KBTBD11: variants seen among roughly 807,000 people sequenced by gnomAD.
KBTBD11 encodes the protein kelch repeat and BTB domain containing 11, also known as kelch repeat and BTB domain-containing protein 11.
For synonymous variants in KBTBD11, 747 were observed against 499.0 expected (o/e 1.50, Z -6.63); for missense variants, 1,390 against 1,001.8 (o/e 1.39, Z -5.23).
intron 1 of KBTBD11, among the ~76,000 whole-genome samples, chr8:1,995,145 T>C (rs1197021112): frequency 6.6e-6 from 1 of 151,650 alleles, no homozygotes; most frequent in African/African-American, 2.4e-5. Context: ...TTGCTAGGTA[T>C]ATTATGGAAC....
At chr8:1,986,300 G>A (rs1816705121) in intron 1 of KBTBD11, among the ~76,000 whole-genome samples, 1 of 152,212 alleles carries the variant, frequency 6.6e-6, no homozygotes, top group Admixed American at 6.5e-5. Context: ...TTTTGATGAT[G>A]CAGGTGCAGT....
chr8:1,974,203 C>G, intron 1 of KBTBD11: 1 of 829,536 alleles, frequency 1.2e-6, no homozygotes, highest in Non-Finnish European at 1.4e-6. Flanking sequence ...GGTGGGTGGT[C>G]TCCGCTCCGC....
At chr8:1,974,386 G>T in intron 1 of KBTBD11, 2 of 984,622 alleles carry the variant, frequency 2.0e-6, no homozygotes, top group Non-Finnish European at 2.4e-6. Flanking sequence ...AGGAGCAGAA[G>T]CCGAAGCCAA....
intron 1 of KBTBD11, among the ~76,000 whole-genome samples, chr8:1,996,652 T>C (rs1817153324): frequency 6.6e-6 from 1 of 152,106 alleles, no homozygotes; most frequent in African/African-American, 2.4e-5. Flanking sequence ...AAAATTAAGC[T>C]GACTGTAATG....
chr8:1,982,360 A>G (rs1816565905), intron 1 of KBTBD11, among the ~76,000 whole-genome samples: 1 of 152,150 alleles, frequency 6.6e-6, no homozygotes, highest in Admixed American at 6.5e-5. Flanking sequence ...CTACAAAACA[A>G]CCAGAAAACA....
At chr8:1,984,640 G>C (rs567400601) in intron 1 of KBTBD11, among the ~76,000 whole-genome samples, 8 of 148,472 alleles carry the variant, frequency 5.4e-5, no homozygotes, top group Non-Finnish European at 1.0e-4. Context: ...TGAACAGCTA[G>C]GTGAGTGGCC....
At chr8:1,993,137 G>T (rs1296130037) in intron 1 of KBTBD11, among the ~76,000 whole-genome samples, 1 of 151,978 alleles carries the variant, frequency 6.6e-6, no homozygotes, top group Non-Finnish European at 1.5e-5. Context: ...AGTAGGGAAA[G>T]GGTCTCCCCA....
chr8:2,002,770 A>G lies in KBTBD11; in HGVS notation c.1578A>G (p.Arg526=). 1 of 1,478,202 alleles carries G rather than the reference A, an allele frequency of 6.8e-7. No individual in the cohort carries two copies. The highest frequency in any genetic ancestry group is 8.9e-7 in the Non-Finnish European group (1 of 1,122,236). The allele number at this position is 1,478,202 out of a possible 1,614,324, so 91.6% of individuals were successfully genotyped here. Residue 526 remains arginine (R), a synonymous_variant, in exon 2 of 2, where the codon CGA becomes CGG. Transcript: ENST00000320248. The surrounding 1 kb of genome is among the most constrained non-coding windows in gnomAD (Gnocchi z 4.1). ...AAGPSGVSVS[R]YHCLAKQWSP... ...GGCCGAGCGGGGTCAGCGTGTCCCGATACCACTGCCTGGCCAAGCAGTGGA... is the reference window on the plus strand; with the variant it reads ...GGCCGAGCGGGGTCAGCGTGTCCCGGTACCACTGCCTGGCCAAGCAGTGGA...
intron 1 of KBTBD11, chr8:1,974,735 A>C (rs1483182870): frequency 6.1e-6 from 6 of 983,082 alleles, no homozygotes; most frequent in Non-Finnish European, 7.2e-6. Context: ...GGCGGGGCTC[A>C]TTCTGGAGCA....
intron 1 of KBTBD11, among the ~76,000 whole-genome samples, chr8:1,997,982 T>G (rs1339524333): frequency 1.3e-5 from 2 of 152,230 alleles, no homozygotes; most frequent in African/African-American, 2.4e-5. Context: ...GCTTGAATCA[T>G]GACTTTTGAG....
rs1035123380 is a variant in KBTBD11 at position 2,001,088 on chromosome 8, A to T, written c.-105A>T. The T allele has an allele frequency of 2.4e-6, 3 of 1,250,346 alleles. No homozygotes were observed. Among genetic ancestry groups the T allele is most frequent in the African/African-American group, 3.1e-5 (2 of 64,248 alleles). 77.5% of individuals were successfully genotyped at this position (1,250,346 alleles called of 1,614,324 possible). A position where few individuals can be genotyped will look rare whatever the true frequency, so the allele number is the denominator to read the frequency against. ...CAGAAGTGAAATCTGATCGCGTGCCAGGAAAAGCTGTGAGGCTGGAAACCC... is the reference window on the plus strand; with the variant it reads ...CAGAAGTGAAATCTGATCGCGTGCCTGGAAAAGCTGTGAGGCTGGAAACCC... On this transcript the variant is annotated 5_prime_UTR_variant, in exon 2 of 2. Transcript: ENST00000320248.
At chr8:1,985,576 C>A (rs889570211) in intron 1 of KBTBD11, among the ~76,000 whole-genome samples, 6 of 152,238 alleles carry the variant, frequency 3.9e-5, no homozygotes, top group Admixed American at 2.0e-4. Flanking sequence ...TAAATAATAA[C>A]CTTTGTGAGA....
In KBTBD11 at chr8:2,001,034, C is replaced by G; in HGVS notation, c.-159C>G. On this transcript the variant is annotated 5_prime_UTR_variant, in exon 2 of 2. Coordinates refer to ENST00000320248, the MANE Select transcript of KBTBD11 (RefSeq NM_014867.3). ...GAGCAGCGTGTGAGATTCCCCCCTT[C>G]ACACACACAACAACAAAGCGTGGAC... The G allele has an allele frequency of 1.0e-6, 1 of 998,794 alleles. No individual in the cohort carries two copies. Among genetic ancestry groups the G allele is most frequent in the South Asian group, 4.9e-5 (1 of 20,572 alleles). 61.9% of individuals were successfully genotyped at this position (998,794 alleles called of 1,614,324 possible).
chr8:1,994,314 C>T (rs916350866), intron 1 of KBTBD11, among the ~76,000 whole-genome samples: 6 of 152,234 alleles, frequency 3.9e-5, no homozygotes, highest in Non-Finnish European at 7.3e-5. Flanking sequence ...CTCAGAACTG[C>T]GCAGAGCACC....
chr8:1,974,098 G>A (rs1816223534), intron 1 of KBTBD11, 163 bp downstream of exon 1: 1 of 158,330 alleles, frequency 6.3e-6, no homozygotes, highest in African/African-American at 5.1e-5. Flanking sequence ...GCGGGGAGGG[G>A]AGGCCGGCAG....
At chr8:1,983,373 C>G (rs1034341769) in intron 1 of KBTBD11, among the ~76,000 whole-genome samples, 8 of 152,220 alleles carry the variant, frequency 5.3e-5, no homozygotes, top group African/African-American at 1.7e-4. Context: ...GCTCCTTTTC[C>G]TGAAGTCCTG....
chr8:1,987,839 C>A (rs1023761130), intron 1 of KBTBD11, among the ~76,000 whole-genome samples: 1 of 151,966 alleles, frequency 6.6e-6, no homozygotes, highest in African/African-American at 2.4e-5. Context: ...CCCATTAACT[C>A]GTCATTTACA....
intron 1 of KBTBD11, among the ~76,000 whole-genome samples, chr8:1,986,863 T>TTTTG (rs888607922): frequency 6.6e-6 from 1 of 152,142 alleles, no homozygotes. Context: ...TTCAAATATT[T>TTTTG]TTTGTTTGTT....
At chr8:1,983,906 G>T (rs1466652922) in intron 1 of KBTBD11, among the ~76,000 whole-genome samples, 1 of 152,046 alleles carries the variant, frequency 6.6e-6, no homozygotes, top group Non-Finnish European at 1.5e-5. Context: ...AAGGTGGGTG[G>T]ATCACCTGAG....
Sources: gnomAD v4.1 joint callset for allele counts (sites outside exome capture counted in the v4.1 genomes callset) on GRCh38, gnomAD v4.1.1 for gene constraint, Gnocchi (gnomAD v3.1) non-coding constraint, MANE v1.5 for transcripts, NCBI Gene and HGNC (gene_info 2026-07-23, HGNC 2026-07-21) for gene names.